TCF3: variants seen among roughly 807,000 people sequenced by gnomAD.
The protein encoded by TCF3 is transcription factor E2-alpha.
In TCF3, 54 loss-of-function variants were observed where a neutral mutation model predicts 72.3. The ratio of observed to expected loss-of-function variants is 0.75; its 90% CI spans 0.60 to 0.94. The LOEUF is 0.94. Ranked by LOEUF, TCF3 falls within the 40% of genes least tolerant of loss-of-function variation. The pLI is 0.00. For synonymous variants in TCF3, 525 were observed against 412.6 expected (o/e 1.27, Z -3.30); for missense variants, 1,078 against 934.4 (o/e 1.15, Z -2.00).
chr19:1,650,855 C>CT (rs2066914673), intron 1 of TCF3: 1 of 230,714 alleles, frequency 4.3e-6, no homozygotes, highest in Non-Finnish European at 8.6e-6. Context: ...AGCTTCAAGA[C>CT]TTAAAGTGCC....
chr19:1,629,927 A>C (rs749984292), intron 5 of TCF3, among the ~76,000 whole-genome samples: 1 of 152,156 alleles, frequency 6.6e-6, no homozygotes, highest in Non-Finnish European at 1.5e-5. Flanking sequence ...CCCACCCCAC[A>C]GGCCACACCC....
intron 6 of TCF3, among the ~76,000 whole-genome samples, chr19:1,627,025 G>T (rs1461039868): frequency 6.6e-6 from 1 of 151,316 alleles, no homozygotes; most frequent in Admixed American, 6.6e-5. Flanking sequence ...CGGCTGCACA[G>T]GGGCCTGTTG....
At chr19:1,619,966 C>T (rs574737219) in intron 13 of TCF3, 113 bp from the exon 14 acceptor site, 17 of 938,812 alleles carry the variant, frequency 1.8e-5, no homozygotes, top group African/African-American at 3.3e-5. Context: ...CCGGTGATGC[C>T]CAAGATGGCC....
chr19:1,632,213 C>T (rs1409114795), intron 4 of TCF3, 97 bp from the exon 5 acceptor site: 1 of 1,550,008 alleles, frequency 6.5e-7, no homozygotes, highest in African/African-American at 1.4e-5. Flanking sequence ...AAACCCATGT[C>T]CCCCAGTCCA....
At chr19:1,613,696 C>G (rs976258036) in intron 18 of TCF3, among the ~76,000 whole-genome samples, 6 of 151,884 alleles carry the variant, frequency 4.0e-5, no homozygotes, top group African/African-American at 1.5e-4. Context: ...TGGAGCAAAC[C>G]AGCTCCCATC....
rs540089187 is a variant in TCF3, at chr19:1,621,813, G to A, written c.955+25C>T. The stretch of plus-strand genomic sequence containing the variant: ...TGGAGCCCAGTGTCCCCTCGGAGAG[G>A]CCGCATCCCAGGGAGGGGCCATACC... On this transcript the variant is annotated intron_variant, in intron 11 of 18. Transcript: ENST00000262965. 131 of 1,566,998 alleles carry A rather than the reference G, an allele frequency of 8.4e-5. 1 individual carries two copies. In the South Asian group the frequency reaches 1.4e-3, roughly 17 times the overall value.
At chr19:1,645,339 G>T (rs1000540403) in intron 3 of TCF3, among the ~76,000 whole-genome samples, 6 of 152,042 alleles carry the variant, frequency 3.9e-5, no homozygotes, top group African/African-American at 1.4e-4. Context: ...AGCATCGGGG[G>T]CACCCGCCCC....
At chr19:1,632,529 C>T (rs2063835194) in intron 3 of TCF3, 124 bp from the exon 4 acceptor site, 8 of 902,968 alleles carry the variant, frequency 8.9e-6, no homozygotes, top group Non-Finnish European at 1.4e-5. Context: ...CTTCCTAACC[C>T]AGCCTCACCC....
intron 7 of TCF3, among the ~76,000 whole-genome samples, chr19:1,625,309 T>C (rs972398497): frequency 6.6e-6 from 1 of 152,210 alleles, no homozygotes; most frequent in Non-Finnish European, 1.5e-5. Flanking sequence ...AGAAAGCACA[T>C]GGCAGAGCCC....
rs1475554962 is a variant in TCF3 at position 1,619,016 on chromosome 19, C to T, written c.1450+95G>A. On this transcript the variant is annotated intron_variant, in intron 16 of 18. Transcript: ENST00000262965. ...TCACCAGGTGCCCCCACGGTGACAC[C>T]TGCCCTGGGCTCCCACCCTGACCCC... 4 of 1,571,152 alleles carry T rather than the reference C, an allele frequency of 2.5e-6. No homozygotes were observed. The Admixed American group carries it at 7.1e-5, about 28-fold the overall frequency.
At chr19:1,625,862 T>C (rs1221726749) in intron 6 of TCF3, among the ~76,000 whole-genome samples, 154 bp from the exon 7 acceptor site, 2 of 152,204 alleles carry the variant, frequency 1.3e-5, no homozygotes, top group Non-Finnish European at 1.5e-5. Flanking sequence ...CTGTGACACC[T>C]GCTGTGTTTT....
rs532375667 is a variant in TCF3 at position 1,643,619 on chromosome 19, G to A, written c.145+2736C>T. On this transcript the variant is annotated intron_variant, in intron 3 of 18. Transcript: ENST00000262965. ...CAGCCTTGACCTCCTGGCCTCAAGC[G>A]ATCCTCCTGCCTTGGCCTCCCAAAG... Among the ~76,000 whole-genome samples the A allele has an allele frequency of 7.2e-5, 11 of 152,106 alleles. 1 individual carries two copies. Among genetic ancestry groups the A allele is most frequent in the South Asian group, 6.2e-4 (3 of 4,808 alleles).
chr19:1,621,196 G>T lies in TCF3; in HGVS notation c.956-5C>A, dbSNP rs369379900. The T allele has an allele frequency of 7.8e-6, 12 of 1,535,332 alleles. No individual in the cohort carries two copies. The African/African-American group carries it at 1.6e-4, about 21-fold the overall frequency. Reference sequence around the variant, plus strand: ...CAGCTGTGGTCCCTCGGGAGCCTGTGGGTGAAGAGAGGTGAGGCCCACGCA... The same window carrying T: ...CAGCTGTGGTCCCTCGGGAGCCTGTTGGTGAAGAGAGGTGAGGCCCACGCA... On this transcript the variant is annotated splice_region_variant and splice_polypyrimidine_tract_variant and intron_variant, in intron 11 of 18. Transcript: ENST00000262965.
intron 3 of TCF3, among the ~76,000 whole-genome samples, chr19:1,646,024 A>G (rs1308218896): frequency 6.6e-6 from 1 of 152,024 alleles, no homozygotes; most frequent in African/African-American, 2.4e-5. Flanking sequence ...TTGACTGGAG[A>G]AACGGATGCT....
intron 3 of TCF3, among the ~76,000 whole-genome samples, 153 bp from the exon 4 acceptor site, chr19:1,632,558 A>G (rs1226166645): frequency 6.6e-6 from 1 of 152,090 alleles, no homozygotes; most frequent in Non-Finnish European, 1.5e-5. Flanking sequence ...TCATGAGGAC[A>G]CCAGTCAGCA....
At chr19:1,652,070 G>A (rs1465401484) in intron 1 of TCF3, among the ~76,000 whole-genome samples, 1 of 150,512 alleles carries the variant, frequency 6.6e-6, no homozygotes, top group Non-Finnish European at 1.5e-5. Flanking sequence ...CCGGCCCGAC[G>A]GGGGCGACGC....
chr19:1,642,667 G>A (rs1020987088), intron 3 of TCF3, among the ~76,000 whole-genome samples: 4 of 152,164 alleles, frequency 2.6e-5, no homozygotes, highest in African/African-American at 9.7e-5. Flanking sequence ...AGGCCGTGCT[G>A]TCACCACGTT....
chr19:1,648,354 G>C (rs149630782), intron 2 of TCF3, among the ~76,000 whole-genome samples: 1 of 152,174 alleles, frequency 6.6e-6, no homozygotes, highest in Admixed American at 6.5e-5. Flanking sequence ...TAAAGCCCGA[G>C]GGGGGACGCC....
At chr19:1,641,859 C>G (rs1249071155) in intron 3 of TCF3, among the ~76,000 whole-genome samples, 1 of 152,008 alleles carries the variant, frequency 6.6e-6, no homozygotes, top group East Asian at 1.9e-4. Context: ...TCCCAAAGTG[C>G]TGGGGATTAC....
Sources: gnomAD v4.1 joint callset for allele counts (sites outside exome capture counted in the v4.1 genomes callset) on GRCh38, gnomAD v4.1.1 for gene constraint, MANE v1.5 for transcripts, NCBI Gene and HGNC (gene_info 2026-07-23, HGNC 2026-07-21) for gene names.